ADAMTS6: variants seen among roughly 807,000 people sequenced by gnomAD.
ADAMTS6 encodes A disintegrin and metalloproteinase with thrombospondin motifs 6.
A neutral mutation model predicts 144.3 loss-of-function variants in ADAMTS6; 23 were observed. That is an observed-to-expected ratio of 0.16 (90% CI 0.11 to 0.23). ADAMTS6 has a LOEUF of 0.23. ADAMTS6 is among the 10% of genes least tolerant of loss of function. The pLI is 1.00. For synonymous variants in ADAMTS6, 444 were observed against 457.5 expected (o/e 0.97, Z 0.38); for missense variants, 999 against 1,379.6 (o/e 0.72, Z 4.37).
chr5:65,368,445 A>G lies in ADAMTS6; in HGVS notation c.1074-34360T>C, dbSNP rs1358343082. ...CTGTGCCTTCCTCTACTAAAGAGAC[A>G]TGAAGCTAAAATAGTTAACTGAAAT... On this transcript the variant is annotated intron_variant, in intron 7 of 24. Coordinates refer to ENST00000381055, the MANE Select transcript of ADAMTS6 (RefSeq NM_197941.4). 2.0e-5 allele frequency among the ~76,000 whole-genome samples: 3 copies of G among 152,342 alleles called. No individual in the cohort carries two copies. In the South Asian group the frequency reaches 6.2e-4, roughly 32 times the overall value.
In ADAMTS6 at chr5:65,223,078, A is replaced by G. The variant is rs570887865; in HGVS notation, c.2272+1242T>C. Reference sequence around the variant, plus strand: ...CATATGGATAAAATTAAAAAGACTGACAATACCAAGTATTGACAAGGATGT... The same window carrying G: ...CATATGGATAAAATTAAAAAGACTGGCAATACCAAGTATTGACAAGGATGT... On this transcript the variant is annotated intron_variant, in intron 18 of 24. Coordinates refer to ENST00000381055, the MANE Select transcript of ADAMTS6 (RefSeq NM_197941.4). 4.6e-5 allele frequency among the ~76,000 whole-genome samples: 7 copies of G among 152,298 alleles called. No homozygotes were observed. The East Asian group carries it at 1.2e-3, about 25-fold the overall frequency.
chr5:65,347,388 C>T lies in ADAMTS6; in HGVS notation c.1074-13303G>A, dbSNP rs187262270. Reference sequence around the variant, plus strand: ...TGATCTTTGATAAAGGTGCCAAGAACGAGTAATGGAGAAAACACAGTTTCT... The same window carrying T: ...TGATCTTTGATAAAGGTGCCAAGAATGAGTAATGGAGAAAACACAGTTTCT... On this transcript the variant is annotated intron_variant, in intron 7 of 24. Transcript: ENST00000381055. Among the ~76,000 whole-genome samples the T allele has an allele frequency of 7.9e-5, 12 of 151,998 alleles. No homozygotes were observed. The South Asian group carries it at 8.3e-4, about 11-fold the overall frequency.
rs1310331090 is a variant in ADAMTS6 at position 65,434,662 on chromosome 5, G to A, written c.1073+16813C>T. 5.3e-5 allele frequency among the ~76,000 whole-genome samples: 8 copies of A among 152,156 alleles called. No homozygotes were observed. In the East Asian group the frequency reaches 1.5e-3, roughly 29 times the overall value. ...GTTTACTAGTAAAATTTTTAAGATAGTAAAATAACATCAACTTGGGTCCAA... is the reference window on the plus strand; with the variant it reads ...GTTTACTAGTAAAATTTTTAAGATAATAAAATAACATCAACTTGGGTCCAA... On this transcript the variant is annotated intron_variant, in intron 7 of 24. Transcript: ENST00000381055.
At position 65,316,391 on chromosome 5, in the gene ADAMTS6, T is replaced by A. The variant is rs1173710939; in HGVS notation, c.1223+12987A>T. 3.9e-5 allele frequency among the ~76,000 whole-genome samples: 6 copies of A among 152,120 alleles called. No individual in the cohort carries two copies. The East Asian group carries it at 5.8e-4, about 15-fold the overall frequency. On this transcript the variant is annotated intron_variant, in intron 9 of 24. Coordinates refer to ENST00000381055, the MANE Select transcript of ADAMTS6 (RefSeq NM_197941.4). ...TACACATTCTAAAATGAAATATTTT[T>A]AAAATATTCAATTAATTGAAAAAGA...
chr5:65,331,072 A>C (rs1746673002), intron 8 of ADAMTS6, among the ~76,000 whole-genome samples: 1 of 152,072 alleles, frequency 6.6e-6, no homozygotes, highest in South Asian at 2.1e-4. Context: ...AATACCTGAA[A>C]TATTTTTTTA....
intron 15 of ADAMTS6, among the ~76,000 whole-genome samples, chr5:65,235,923 A>C (rs967124792): frequency 6.6e-6 from 1 of 152,256 alleles, no homozygotes; most frequent in Admixed American, 6.5e-5. Flanking sequence ...ATTTAGGATT[A>C]ATTCACTTTG....
At chr5:65,462,738 C>T (rs1295646423) in intron 3 of ADAMTS6, among the ~76,000 whole-genome samples, 1 of 152,144 alleles carries the variant, frequency 6.6e-6, no homozygotes, top group Non-Finnish European at 1.5e-5. Context: ...CAACAGTGAA[C>T]CAAAGTTCCA....
chr5:65,334,772 T>G (rs1386459929), intron 7 of ADAMTS6, among the ~76,000 whole-genome samples: 1 of 152,120 alleles, frequency 6.6e-6, no homozygotes, highest in Non-Finnish European at 1.5e-5. Context: ...AAATATTGAG[T>G]CCATAATGTT....
intron 24 of ADAMTS6, among the ~76,000 whole-genome samples, chr5:65,160,309 C>CT (rs796848986): frequency 0.14 from 19,475 of 139,382 alleles, 1,853 homozygotes; most frequent in African/African-American, 0.26. Context: ...CTCCGACTTT[C>CT]TTTTTTTTTT....
chr5:65,401,310 G>C (rs917999998), intron 7 of ADAMTS6, among the ~76,000 whole-genome samples: 2 of 151,860 alleles, frequency 1.3e-5, no homozygotes, highest in Non-Finnish European at 2.9e-5. Context: ...AGGATGACTA[G>C]AGTTGAGTAT....
At chr5:65,277,319 G>A (rs1329210562) in intron 11 of ADAMTS6, among the ~76,000 whole-genome samples, 3 of 152,194 alleles carry the variant, frequency 2.0e-5, no homozygotes, top group Non-Finnish European at 2.9e-5. Flanking sequence ...GGGCACTTCA[G>A]AGGAAAATGT....
chr5:65,460,906 T>A (rs1045503769), intron 3 of ADAMTS6, among the ~76,000 whole-genome samples: 1 of 152,200 alleles, frequency 6.6e-6, no homozygotes, highest in African/African-American at 2.4e-5. Context: ...GACACAGACA[T>A]ACAGAAGAAA....
intron 22 of ADAMTS6, among the ~76,000 whole-genome samples, chr5:65,173,430 G>C (rs1753751817): frequency 6.6e-6 from 1 of 152,208 alleles, no homozygotes; most frequent in Admixed American, 6.5e-5. Flanking sequence ...TGTGAAGCAA[G>C]TTCAGGGTTG....
intron 15 of ADAMTS6, among the ~76,000 whole-genome samples, chr5:65,234,568 A>G (rs1466031875): frequency 2.0e-5 from 3 of 152,044 alleles, no homozygotes; most frequent in African/African-American, 7.2e-5. Context: ...TACCTCACAC[A>G]TGTTAGGATG....
At chr5:65,275,377 AAGAAAG>A (rs1708744393) in intron 11 of ADAMTS6, among the ~76,000 whole-genome samples, 2 of 143,228 alleles carry the variant, frequency 1.4e-5, no homozygotes, top group South Asian at 4.6e-4. Context: ...GAAAGAAAGA[AAGAAAG>A]AAAGAAAGAA....
intron 7 of ADAMTS6, among the ~76,000 whole-genome samples, chr5:65,377,040 G>A (rs1319118704): frequency 6.6e-6 from 1 of 151,768 alleles, no homozygotes; most frequent in African/African-American, 2.4e-5. Context: ...TACTCAACAA[G>A]AAAAACAGAT....
At chr5:65,301,982 C>T (rs991173534) in intron 9 of ADAMTS6, among the ~76,000 whole-genome samples, 3 of 150,386 alleles carry the variant, frequency 2.0e-5, no homozygotes, top group African/African-American at 7.3e-5. Flanking sequence ...GTTCCAGCTA[C>T]TCAGGAGGCT....
At chr5:65,268,487 T>A (rs1371348806) in intron 12 of ADAMTS6, among the ~76,000 whole-genome samples, 1 of 152,202 alleles carries the variant, frequency 6.6e-6, no homozygotes, top group Non-Finnish European at 1.5e-5. Context: ...GAAAGCTCTC[T>A]GGCTGAAAGT....
Position 65,242,138 on chromosome 5 carries a change from T to G in ADAMTS6, c.1899A>C (p.Arg633=), listed in dbSNP as rs1471247723. 1.2e-6 allele frequency: 2 copies of G among 1,604,160 alleles called. No individual in the cohort carries two copies. Among genetic ancestry groups the G allele is most frequent in the East Asian group, 2.2e-5 (1 of 44,706 alleles). Residue 633 remains arginine (R), a synonymous_variant, in exon 15 of 25, where the codon CGA becomes CGC. Transcript: ENST00000381055. ...AGGGTTTCCAGTTATAATACTTTCC[T>G]CGGAAAGGCATATTGTCAAAGTCTG... The part of the protein sequence containing the change: ...QCADFDNMPF[R]GKYYNWKPYT...
Sources: gnomAD v4.1 joint callset for allele counts (sites outside exome capture counted in the v4.1 genomes callset) on GRCh38, gnomAD v4.1.1 for gene constraint, MANE v1.5 for transcripts, NCBI Gene and HGNC (gene_info 2026-07-23, HGNC 2026-07-21) for gene names.